GPR83: variants seen among roughly 807,000 people sequenced by gnomAD.
GPR83 encodes the protein G protein-coupled receptor 83, also known as G-protein coupled receptor 72.
In GPR83, 23 loss-of-function variants were observed where a neutral mutation model predicts 28.0. The ratio of observed to expected loss-of-function variants is 0.82; its 90% confidence interval spans 0.59 to 1.16. The LOEUF is 1.16. Ranked by LOEUF, GPR83 falls within the 50% of genes most tolerant of loss-of-function variation. The pLI is 0.00. For missense variants in GPR83, 610 were observed against 536.6 expected (o/e 1.14, Z -1.35); for synonymous variants, 234 against 215.4 (o/e 1.09, Z -0.76).
At chr11:94,393,654 C>A (rs559424905) in intron 2 of GPR83, 36 bp from the exon 3 acceptor site, 2 of 1,609,336 alleles carry the variant, frequency 1.2e-6, no homozygotes, top group East Asian at 2.2e-5. Context: ...TAACTGAAGA[C>A]GTTTTGGAGC....
At chr11:94,383,130 G>A (rs1435532717) in intron 3 of GPR83, among the ~76,000 whole-genome samples, 2 of 149,606 alleles carry the variant, frequency 1.3e-5, no homozygotes, top group Admixed American at 6.7e-5. Context: ...CAGCCTGGGC[G>A]ACAGAGTGAG....
intron 3 of GPR83, among the ~76,000 whole-genome samples, chr11:94,387,786 C>A (rs1030817626): frequency 6.6e-6 from 1 of 151,586 alleles, no homozygotes; most frequent in Non-Finnish European, 1.5e-5. Context: ...TGAAACTATT[C>A]CAATCAATAG....
At chr11:94,390,234 G>A (rs1318744431) in intron 3 of GPR83, among the ~76,000 whole-genome samples, 1 of 151,894 alleles carries the variant, frequency 6.6e-6, no homozygotes, top group Non-Finnish European at 1.5e-5. Context: ...ATGAGTTAAT[G>A]GGTGCAGCAC....
At chr11:94,389,430 C>T (rs1944792662) in intron 3 of GPR83, among the ~76,000 whole-genome samples, 1 of 152,294 alleles carries the variant, frequency 6.6e-6, no homozygotes, top group East Asian at 1.9e-4. Context: ...ACTCATCTGA[C>T]AAAGGGCTGA....
At chr11:94,389,547 C>A (rs1056729422) in intron 3 of GPR83, among the ~76,000 whole-genome samples, 1 of 152,204 alleles carries the variant, frequency 6.6e-6, no homozygotes, top group Admixed American at 6.5e-5. Flanking sequence ...GACATTTATG[C>A]AGCCAACAGA....
chr11:94,399,198 C>T (rs1591609591), intron 1 of GPR83, among the ~76,000 whole-genome samples: 3 of 152,156 alleles, frequency 2.0e-5, no homozygotes, highest in South Asian at 2.1e-4. Context: ...GAGGCGCCAA[C>T]GGGTGACAGG....
chr11:94,398,205 C>A (rs1403463748), intron 1 of GPR83, among the ~76,000 whole-genome samples: 1 of 152,206 alleles, frequency 6.6e-6, no homozygotes, highest in Non-Finnish European at 1.5e-5. Context: ...CTTCACACTC[C>A]TGACAGCATT....
intron 3 of GPR83, among the ~76,000 whole-genome samples, chr11:94,381,554 A>AGTGTGTGTGTGTGT (rs1174732142): frequency 5.0e-4 from 15 of 30,152 alleles, no homozygotes; most frequent in Non-Finnish European, 1.1e-3. Context: ...CACAGGAGTG[A>AGTGTGTGTGTGTGT]GTGAGTGTGT....
At chr11:94,386,180 C>A (rs898748506) in intron 3 of GPR83, among the ~76,000 whole-genome samples, 8 of 152,282 alleles carry the variant, frequency 5.3e-5, no homozygotes, top group Admixed American at 1.3e-4. Context: ...GCCTGCCCTA[C>A]AAGAGCTCCT....
intron 3 of GPR83, among the ~76,000 whole-genome samples, chr11:94,382,282 G>A (rs1944699213): frequency 6.8e-6 from 1 of 147,696 alleles, no homozygotes. Flanking sequence ...GGCAGAGGTT[G>A]CGGTGAGCTG....
intron 3 of GPR83, among the ~76,000 whole-genome samples, chr11:94,387,439 A>G (rs1944771335): frequency 2.6e-5 from 4 of 152,216 alleles, no homozygotes. Flanking sequence ...AGCAAGACTA[A>G]TAAAGAAGAA....
intron 3 of GPR83, among the ~76,000 whole-genome samples, chr11:94,390,203 G>T (rs1944803683): frequency 6.6e-6 from 1 of 152,034 alleles, no homozygotes. Context: ...ACAGCATTAG[G>T]AGATATACCT....
chr11:94,384,192 A>C (rs1435591613), intron 3 of GPR83, among the ~76,000 whole-genome samples: 1 of 152,222 alleles, frequency 6.6e-6, no homozygotes, highest in Non-Finnish European at 1.5e-5. Context: ...TATGCAAATC[A>C]ATAAATACAA....
chr11:94,388,037 C>T (rs1032216044), intron 3 of GPR83, among the ~76,000 whole-genome samples: 27 of 152,128 alleles, frequency 1.8e-4, no homozygotes, highest in Non-Finnish European at 1.0e-4. Context: ...AATCAATAAA[C>T]GTAATCCAGC....
intron 2 of GPR83, among the ~76,000 whole-genome samples, chr11:94,396,063 T>G (rs980000396): frequency 2.6e-5 from 4 of 152,034 alleles, no homozygotes; most frequent in African/African-American, 9.7e-5. Context: ...CTACTAAAAG[T>G]ACGAAAACTA....
chr11:94,390,783 T>G (rs917111034), intron 3 of GPR83, among the ~76,000 whole-genome samples: 2 of 152,144 alleles, frequency 1.3e-5, no homozygotes, highest in Non-Finnish European at 2.9e-5. Flanking sequence ...GAAGGACCTC[T>G]TCAAGGAGAA....
chr11:94,400,917 C>A lies in GPR83; in HGVS notation c.331G>T (p.Val111Phe). The A allele has an allele frequency of 6.2e-7, 1 of 1,614,108 alleles. No homozygotes were observed. Among genetic ancestry groups the A allele is most frequent in the Non-Finnish European group, 8.5e-7 (1 of 1,179,976 alleles). ...ATTATGTCGGCAACTGCCAGGTTGACGATGAAGAGGCTGGTGGCCGAGTGC... is the reference window on the plus strand; with the variant it reads ...ATTATGTCGGCAACTGCCAGGTTGAAGATGAAGAGGCTGGTGGCCGAGTGC... ...RMHSATSLFI[V>F]NLAVADIMIT... Residue 111 changes from valine (V) to phenylalanine (F), a missense_variant, in exon 1 of 4, where the codon GTC becomes TTC. Transcript: ENST00000243673.
chr11:94,383,459 A>C (rs886358187), intron 3 of GPR83, among the ~76,000 whole-genome samples: 9 of 152,220 alleles, frequency 5.9e-5, no homozygotes, highest in African/African-American at 1.9e-4. Context: ...TTCAAAAGCT[A>C]GCAGAAGGCA....
At chr11:94,397,339 T>G (rs768427415) in intron 1 of GPR83, among the ~76,000 whole-genome samples, 4 of 152,200 alleles carry the variant, frequency 2.6e-5, no homozygotes, top group Non-Finnish European at 5.9e-5. Flanking sequence ...GCATTGATTC[T>G]GATTAAGGAG....
Sources: allele counts gnomAD v4.1 joint callset (sites outside exome capture counted in the v4.1 genomes callset), GRCh38; gene constraint gnomAD v4.1.1; transcripts MANE v1.5; gene names NCBI Gene and HGNC (gene_info 2026-07-23, HGNC 2026-07-21).